Variants in ADCK1 observed in about 807,000 individuals in gnomAD.
ADCK1 encodes the protein aarF domain containing kinase 1.
ADCK1 carries 41 observed loss-of-function variants against 52.3 expected under a neutral mutation model. That is an observed-to-expected ratio of 0.78 (90% CI 0.61 to 1.02). The LOEUF (loss-of-function observed/expected upper bound fraction) is 1.02. ADCK1 is among the 50% of genes least tolerant of loss of function. The probability of loss-of-function intolerance (pLI) is 0.00; values close to 1 mark genes in which losing one functional copy is unlikely to be tolerated. For synonymous variants in ADCK1, 250 were observed against 274.6 expected (o/e 0.91, Z 0.89); for missense variants, 658 against 679.5 (o/e 0.97, Z 0.35).
intron 3 of ADCK1, among the ~76,000 whole-genome samples, chr14:77,831,670 G>A (rs750397169): frequency 1.2e-4 from 17 of 144,280 alleles, no homozygotes; most frequent in African/African-American, 2.6e-4. Context: ...CTGCAGCCTC[G>A]ACCTCCTGGG....
chr14:77,822,558 T>G, intron 3 of ADCK1, 40 bp downstream of exon 3: 1 of 1,524,328 alleles, frequency 6.6e-7, no homozygotes, highest in Non-Finnish European at 9.1e-7. Context: ...AGGCCAGGAC[T>G]GGATAACCCT....
intron 3 of ADCK1, among the ~76,000 whole-genome samples, chr14:77,833,918 G>T (rs1011224156): frequency 2.0e-5 from 3 of 152,110 alleles, no homozygotes; most frequent in African/African-American, 7.2e-5. Context: ...TCTGTATACA[G>T]CTTGTATTTT....
intron 1 of ADCK1, among the ~76,000 whole-genome samples, chr14:77,801,105 T>C (rs908888802): frequency 6.6e-6 from 1 of 152,166 alleles, no homozygotes; most frequent in Non-Finnish European, 1.5e-5. Context: ...ATAATTTTCT[T>C]ACTACAGTGG....
chr14:77,912,431 A>AGC lies in ADCK1; in HGVS notation c.858+4514_858+4515dup, dbSNP rs540889232. ...GCCACGGCCTTGAAGACTACGGAGG[A>AGC]GCGTGTGTGTGTGTGTGTGTGTGTG... On this transcript the variant is annotated intron_variant, in intron 7 of 10. Coordinates refer to ENST00000238561, the MANE Select transcript of ADCK1 (RefSeq NM_020421.4). Among the ~76,000 whole-genome samples the AGC allele has an allele frequency of 1.4e-3, 148 of 108,014 alleles. 3 individuals carry two copies. The South Asian group carries it at 0.023, about 17-fold the overall frequency. 70.9% of individuals were successfully genotyped at this position (108,014 alleles called of 152,430 possible).
At chr14:77,911,437 C>G (rs1030506508) in intron 7 of ADCK1, among the ~76,000 whole-genome samples, 5 of 152,214 alleles carry the variant, frequency 3.3e-5, no homozygotes, top group African/African-American at 1.2e-4. Context: ...TGGTAACTAA[C>G]TACTCAGAGG....
chr14:77,830,347 G>A lies in ADCK1; in HGVS notation c.219+7829G>A, dbSNP rs763806312. On this transcript the variant is annotated intron_variant, in intron 3 of 10. Transcript: ENST00000238561. ...TTTTGTATTTTTTGGTACAGACAGG[G>A]TTTCCCCATCTTGACCAGGATGGTC... 7.3e-5 allele frequency among the ~76,000 whole-genome samples: 11 copies of A among 151,096 alleles called. 2 individuals are homozygous for A. Among genetic ancestry groups the A allele is most frequent in the Non-Finnish European group, 1.2e-4 (8 of 67,542 alleles).
At chr14:77,911,547 A>G (rs1223474984) in intron 7 of ADCK1, among the ~76,000 whole-genome samples, 1 of 151,924 alleles carries the variant, frequency 6.6e-6, no homozygotes, top group Admixed American at 6.6e-5. Context: ...TCATAGAAAC[A>G]TTTTTCTGTT....
chr14:77,922,797 G>T (rs1168456770), intron 7 of ADCK1, among the ~76,000 whole-genome samples: 1 of 152,144 alleles, frequency 6.6e-6, no homozygotes, highest in Non-Finnish European at 1.5e-5. Context: ...ACCTTTGGGA[G>T]GCTAATAAGG....
intron 4 of ADCK1, among the ~76,000 whole-genome samples, chr14:77,860,109 G>A (rs1293340456): frequency 3.9e-5 from 6 of 152,100 alleles, no homozygotes; most frequent in African/African-American, 1.4e-4. Context: ...AGCTCTTCTA[G>A]GAAGTCTTCT....
At chr14:77,883,462 AAAGTACTTCC>A (rs1254188692) in intron 4 of ADCK1, among the ~76,000 whole-genome samples, 1 of 152,184 alleles carries the variant, frequency 6.6e-6, no homozygotes, top group African/African-American at 2.4e-5. Flanking sequence ...CTATCAGCAT[AAAGTACTTCC>A]ACTGAACACT....
chr14:77,832,470 G>A (rs981151138), intron 3 of ADCK1, among the ~76,000 whole-genome samples: 1 of 152,228 alleles, frequency 6.6e-6, no homozygotes, highest in Non-Finnish European at 1.5e-5. Flanking sequence ...CTGTGCAGCA[G>A]CTCTTGCCAA....
At position 77,907,802 on chromosome 14, in the gene ADCK1, G is replaced by T; in HGVS notation, c.742-1G>T. ...ATCTGACCTGTCCCTTCCTATCCCAGGTCCCCCGAATCCACTGGGACCTGT... is the reference window on the plus strand; with the variant it reads ...ATCTGACCTGTCCCTTCCTATCCCATGTCCCCCGAATCCACTGGGACCTGT... On this transcript the variant is annotated splice_acceptor_variant, in intron 6 of 10. Transcript: ENST00000238561. LOFTEE classifies it high-confidence loss of function. 2 of 1,612,578 alleles carry T rather than the reference G, an allele frequency of 1.2e-6. No individual in the cohort carries two copies. The highest frequency in any genetic ancestry group is 1.1e-5 in the South Asian group (1 of 90,894).
intron 4 of ADCK1, among the ~76,000 whole-genome samples, chr14:77,879,328 A>G (rs1400679711): frequency 6.6e-6 from 1 of 152,230 alleles, no homozygotes; most frequent in African/African-American, 2.4e-5. Flanking sequence ...ATGAAGAGGT[A>G]AATGTGCAGC....
At chr14:77,846,184 G>A (rs2082170185) in intron 3 of ADCK1, among the ~76,000 whole-genome samples, 1 of 152,164 alleles carries the variant, frequency 6.6e-6, no homozygotes, top group African/African-American at 2.4e-5. Flanking sequence ...CCCTAAGCCA[G>A]TGTATCTTCT....
At chr14:77,933,119 G>T (rs960813789) in intron 10 of ADCK1, 101 bp from the exon 11 acceptor site, 1 of 1,257,260 alleles carries the variant, frequency 8.0e-7, no homozygotes, top group Non-Finnish European at 1.1e-6. Flanking sequence ...GGGAGCTGGT[G>T]AGTTGGCCAA....
At chr14:77,848,975 G>T (rs543267223) in intron 3 of ADCK1, among the ~76,000 whole-genome samples, 6 of 152,062 alleles carry the variant, frequency 3.9e-5, no homozygotes, top group Non-Finnish European at 8.8e-5. Flanking sequence ...ACAGGCGCCC[G>T]CTACCACGCC....
chr14:77,852,671 A>ATATATATATATATATATATATATAT (rs2082317057), intron 3 of ADCK1, among the ~76,000 whole-genome samples: 2 of 10,804 alleles, frequency 1.9e-4, no homozygotes, highest in South Asian at 6.9e-3. Context: ...ATATATATAT[A>ATATATATATATATATATATATATAT]TATATATATA....
At chr14:77,904,579 G>A (rs1020842394) in intron 6 of ADCK1, among the ~76,000 whole-genome samples, 1 of 152,260 alleles carries the variant, frequency 6.6e-6, no homozygotes, top group African/African-American at 2.4e-5. Context: ...AAGCAGAAAT[G>A]TGAGGTCAGG....
At chr14:77,802,308 G>C (rs1055936828) in intron 1 of ADCK1, among the ~76,000 whole-genome samples, 29 of 152,046 alleles carry the variant, frequency 1.9e-4, no homozygotes, top group African/African-American at 6.5e-4. Context: ...TCTCTTACCT[G>C]CTGCTTGCTC....
Sources: gnomAD v4.1 joint callset for allele counts (sites outside exome capture counted in the v4.1 genomes callset) on GRCh38, gnomAD v4.1.1 for gene constraint, MANE v1.5 for transcripts, NCBI Gene and HGNC (gene_info 2026-07-23, HGNC 2026-07-21) for gene names.